RAB20: variants seen among roughly 807,000 people sequenced by gnomAD.
RAB20 encodes the protein RAB20, member RAS oncogene family.
A neutral mutation model predicts 3.7 loss-of-function variants in RAB20; 2 were observed. The observed-to-expected ratio is 0.54, with a 90% CI of 0.22 to 1.69. RAB20 has a LOEUF of 1.69. RAB20 is among the 40% of genes most tolerant of loss of function. The pLI is 0.19. For synonymous variants in RAB20, 126 were observed against 130.8 expected, an observed-to-expected ratio of 0.96 and a Z score of 0.25; for missense variants, 276 against 311.9, an observed-to-expected ratio of 0.88 and a Z score of 0.87.
chr13:110,548,933 C>A (rs1464239943), intron 1 of RAB20, among the ~76,000 whole-genome samples: 1 of 152,204 alleles, frequency 6.6e-6, no homozygotes, highest in Non-Finnish European at 1.5e-5. Context: ...CTGCTGCTCT[C>A]ACAGCCCAGG....
At chr13:110,536,048 G>A (rs1884633191) in intron 1 of RAB20, among the ~76,000 whole-genome samples, 4 of 152,194 alleles carry the variant, frequency 2.6e-5, no homozygotes, top group African/African-American at 7.2e-5. Flanking sequence ...ACATCTAACT[G>A]GTGTCCTTAT....
chr13:110,550,485 C>T (rs1468166712), intron 1 of RAB20, among the ~76,000 whole-genome samples: 1 of 152,158 alleles, frequency 6.6e-6, no homozygotes, highest in Non-Finnish European at 1.5e-5. Context: ...TGAGCCCTCA[C>T]CCTGTGGTAT....
At chr13:110,536,074 G>A (rs535724822) in intron 1 of RAB20, among the ~76,000 whole-genome samples, 1 of 152,284 alleles carries the variant, frequency 6.6e-6, no homozygotes, top group East Asian at 1.9e-4. Flanking sequence ...AAGACACCCG[G>A]AGACACAGGG....
intron 1 of RAB20, among the ~76,000 whole-genome samples, chr13:110,545,881 G>T (rs1343634250): frequency 6.6e-6 from 1 of 152,112 alleles, no homozygotes; most frequent in Admixed American, 6.5e-5. Context: ...GCCTTGCTGT[G>T]GGGGAAAATG....
At chr13:110,547,020 G>A (rs571413576) in intron 1 of RAB20, among the ~76,000 whole-genome samples, 309 of 152,298 alleles carry the variant, frequency 2.0e-3, no homozygotes, top group Non-Finnish European at 3.4e-3. Flanking sequence ...GATTACAGGC[G>A]TGAGTCACCA....
intron 1 of RAB20, among the ~76,000 whole-genome samples, chr13:110,560,224 C>T (rs1009390662): frequency 6.6e-6 from 1 of 152,148 alleles, no homozygotes; most frequent in Non-Finnish European, 1.5e-5. Flanking sequence ...GGAAATGCAC[C>T]TCTTTACCTG....
At chr13:110,536,721 T>G (rs1327462530) in intron 1 of RAB20, among the ~76,000 whole-genome samples, 3 of 7,452 alleles carry the variant, frequency 4.0e-4, no homozygotes, top group African/African-American at 6.3e-4. Context: ...GGCTTTTTTT[T>G]GGGGCGGTGG....
chr13:110,536,765 CT>C (rs71127951), intron 1 of RAB20, among the ~76,000 whole-genome samples: 76,819 of 108,982 alleles, frequency 0.7, 26,673 homozygotes, highest in African/African-American at 0.72. Flanking sequence ...TTTACTTGTA[CT>C]TTTTTTTTTA....
chr13:110,540,478 C>T (rs1884737381), intron 1 of RAB20, among the ~76,000 whole-genome samples: 1 of 152,196 alleles, frequency 6.6e-6, no homozygotes, highest in Admixed American at 6.5e-5. Flanking sequence ...CGCAGTGGCT[C>T]ATGCCTGTAA....
intron 1 of RAB20, among the ~76,000 whole-genome samples, chr13:110,529,822 A>AC: frequency 6.6e-6 from 1 of 152,222 alleles, no homozygotes; most frequent in Admixed American, 6.5e-5. Context: ...TGGGTGAGTG[A>AC]CCGGAGCCTG....
At chr13:110,524,251 C>T in intron 1 of RAB20, 54 bp from the exon 2 acceptor site, 1 of 1,517,258 alleles carries the variant, frequency 6.6e-7, no homozygotes. Flanking sequence ...CAGAACATAG[C>T]CACCAGCCAC....
rs1367411426 is a variant in RAB20, at chr13:110,523,415, C to CT, written c.*249dup. 1.4e-6 allele frequency: 1 copy of CT among 731,034 alleles called. No individual in the cohort carries two copies. Among genetic ancestry groups the CT allele is most frequent in the Non-Finnish European group, 2.2e-6 (1 of 464,402 alleles). 45.3% of individuals were successfully genotyped at this position (731,034 alleles called of 1,614,324 possible). ...CAGCGGGGCAGAGAGCACCAGGGGT[C>CT]TCGACTCTGCAGATTGGGCTTTGCA... On this transcript the variant is annotated 3_prime_UTR_variant, in exon 2 of 2. Coordinates refer to ENST00000267328, the MANE Select transcript of RAB20 (RefSeq NM_017817.3).
At chr13:110,552,230 T>C (rs1884964790) in intron 1 of RAB20, among the ~76,000 whole-genome samples, 1 of 151,274 alleles carries the variant, frequency 6.6e-6, no homozygotes, top group African/African-American at 2.4e-5. Context: ...AATACAAAAA[T>C]TAGCCGGGCA....
At chr13:110,552,517 C>T (rs1446592493) in intron 1 of RAB20, among the ~76,000 whole-genome samples, 1 of 151,682 alleles carries the variant, frequency 6.6e-6, no homozygotes, top group Non-Finnish European at 1.5e-5. Flanking sequence ...TATAGTGAAA[C>T]CCCGTCTCTA....
Position 110,561,342 on chromosome 13 carries a change from C to T in RAB20, c.172+6G>A, listed in dbSNP as rs1885126945. ...GGCGGTGTGGCTCATGCGGCGCCGG[C>T]CTCACCTGCGGTGTCCCAGATGGAG... On this transcript the variant is annotated splice_donor_region_variant and intron_variant, in intron 1 of 1. Transcript: ENST00000267328. The T allele has an allele frequency of 6.3e-7, 1 of 1,593,714 alleles. No individual in the cohort carries two copies. Among genetic ancestry groups the T allele is most frequent in the Non-Finnish European group, 8.5e-7 (1 of 1,171,070 alleles).
intron 1 of RAB20, 37 bp from the exon 2 acceptor site, chr13:110,524,234 C>T: frequency 6.5e-7 from 1 of 1,544,022 alleles, no homozygotes; most frequent in Non-Finnish European, 8.7e-7. Flanking sequence ...GTGGTTATCT[C>T]TCATCTCAGA....
At chr13:110,539,002 A>G (rs1884706411) in intron 1 of RAB20, among the ~76,000 whole-genome samples, 1 of 152,238 alleles carries the variant, frequency 6.6e-6, no homozygotes, top group Non-Finnish European at 1.5e-5. Flanking sequence ...CTACCCCTCT[A>G]ATAGTAATGC....
intron 1 of RAB20, among the ~76,000 whole-genome samples, chr13:110,545,364 T>C (rs1884834101): frequency 6.6e-6 from 1 of 152,190 alleles, no homozygotes; most frequent in Non-Finnish European, 1.5e-5. Context: ...AATAAGTGTA[T>C]TATGTCTCCC....
intron 1 of RAB20, among the ~76,000 whole-genome samples, chr13:110,533,094 C>T (rs981396044): frequency 6.6e-6 from 1 of 152,152 alleles, no homozygotes; most frequent in African/African-American, 2.4e-5. Flanking sequence ...GTGCATATTC[C>T]CAGACCAGAG....
Sources: gnomAD v4.1 joint callset for allele counts (sites outside exome capture counted in the v4.1 genomes callset) on GRCh38, gnomAD v4.1.1 for gene constraint, MANE v1.5 for transcripts, NCBI Gene and HGNC (gene_info 2026-07-23, HGNC 2026-07-21) for gene names.